Variants in COL1A1 observed in about 807,000 individuals in gnomAD.
COL1A1 encodes the protein collagen alpha-1(I) chain.
Under a neutral mutation model 195.7 loss-of-function variants are expected in COL1A1, and 21 were observed. The ratio of observed to expected loss-of-function variants is 0.11; its 90% CI spans 0.08 to 0.15. COL1A1 has a LOEUF of 0.15. COL1A1 is among the 10% of genes least tolerant of loss of function. COL1A1 has a pLI of 1.00. For missense variants in COL1A1, 1,365 were observed against 2,051.0 expected (o/e 0.67, Z 6.46); for synonymous variants, 749 against 747.3 (o/e 1.00, Z -0.04).
Position 50,194,721 on chromosome 17 carries a change from A to G in COL1A1, c.1461T>C (p.Arg487=). ...GGAGGGGGCGGGCAGGGACACTTAC[A>G]CGCTCGCCAGGGGGTCCGGGCAGGC... ...PTGLPGPPGE[R]GGPGSRGFPG... is the part of the protein sequence containing the mutation. The change falls in exon 21 of 51, where the codon CGT becomes CGC. Residue 487 remains arginine (R), a splice_region_variant and synonymous_variant. Coordinates refer to ENST00000225964, the MANE Select transcript of COL1A1 (RefSeq NM_000088.4). This position sits in a 1 kb window ranked among gnomAD's most constrained non-coding sequence, Gnocchi z 6.8. The G allele has an allele frequency of 6.4e-7, 1 of 1,565,574 alleles. No homozygotes were observed. Among genetic ancestry groups the G allele is most frequent in the Non-Finnish European group, 8.7e-7 (1 of 1,154,590 alleles).
At position 50,189,642 on chromosome 17, in the gene COL1A1, C is replaced by G. The variant is rs1238495943; in HGVS notation, c.2667+37G>C. ...TTCTGGCAGCCCCCACCCAGCACCC[C>G]CAACCTAGAGCAGTGGACTCTGCTG... On this transcript the variant is annotated intron_variant, in intron 38 of 50. Transcript: ENST00000225964. The surrounding 1 kb of genome is among the most constrained non-coding windows in gnomAD (Gnocchi z 5.5). 1 of 1,613,198 alleles carries G rather than the reference C, an allele frequency of 6.2e-7. No homozygotes were observed. Among genetic ancestry groups the G allele is most frequent in the Non-Finnish European group, 8.5e-7 (1 of 1,179,678 alleles).
intron 7 of COL1A1, 21 bp from the exon 8 acceptor site, chr17:50,198,023 T>C: frequency 1.2e-6 from 2 of 1,613,632 alleles, no homozygotes; most frequent in Non-Finnish European, 1.7e-6. Flanking sequence ...AGGAAAAAGA[T>C]GGGTTAGAAG....
At position 50,186,329 on chromosome 17, in the gene COL1A1, G is replaced by C; in HGVS notation, c.3993C>G (p.Thr1331=). Residue 1331 remains threonine (T), a synonymous_variant, in exon 49 of 51, where the codon ACC becomes ACG. Transcript: ENST00000225964. The surrounding 1 kb of genome is among the most constrained non-coding windows in gnomAD (Gnocchi z 5.3). Reference sequence around the variant, plus strand: ...CCAGCTCACGCACCTGGAATCCATCGGTCATGCTCTCGCCGAACCAGACAT... The same window carrying C: ...CCAGCTCACGCACCTGGAATCCATCCGTCATGCTCTCGCCGAACCAGACAT... ...KRHVWFGESM[T]DGFQFEYGGQ... 6.2e-7 allele frequency: 1 copy of C among 1,614,194 alleles called. No individual in the cohort carries two copies. The highest frequency in any genetic ancestry group is 8.5e-7 in the Non-Finnish European group (1 of 1,180,042).
At position 50,187,945 on chromosome 17, in the gene COL1A1, G is replaced by T. The variant is rs1349721736; in HGVS notation, c.3300C>A (p.Gly1100=). Residue 1100 remains glycine, a synonymous_variant, in exon 45 of 51, where the codon GGC becomes GGA. Transcript: ENST00000225964. ...QGPRGDKGET[G]EQGDRGIKGH... ...CCTTTATGCCTCTGTCGCCCTGTTC[G>T]CCTGTCTCACCCTTGTCACCACGGG... The T allele has an allele frequency of 6.2e-7, 1 of 1,613,896 alleles. No individual in the cohort carries two copies. Among genetic ancestry groups the T allele is most frequent in the African/African-American group, 1.3e-5 (1 of 74,916 alleles).
intron 25 of COL1A1, among the ~76,000 whole-genome samples, 195 bp from the exon 26 acceptor site, chr17:50,193,242 G>A (rs1190769795): frequency 6.6e-6 from 1 of 152,102 alleles, no homozygotes; most frequent in Non-Finnish European, 1.5e-5. Flanking sequence ...GCCCTTCCAG[G>A]CTCCTCTGCC....
Position 50,196,226 on chromosome 17 carries a change from A to C in COL1A1, c.958-27T>G, listed in dbSNP as rs375561133. Reference sequence around the variant, plus strand: ...TGCAGGAGAGAGGGGAAGCCCCGTTAAGTCCACTGAGCACTGGCCAGTCCC... The same window carrying C: ...TGCAGGAGAGAGGGGAAGCCCCGTTCAGTCCACTGAGCACTGGCCAGTCCC... On this transcript the variant is annotated intron_variant, in intron 14 of 50. Coordinates refer to ENST00000225964, the MANE Select transcript of COL1A1 (RefSeq NM_000088.4). The C allele has an allele frequency of 1.5e-4, 249 of 1,613,852 alleles. 2 individuals are homozygous for C. The African/African-American group carries it at 2.9e-3, about 18-fold the overall frequency.
intron 45 of COL1A1, 23 bp from the exon 46 acceptor site, chr17:50,187,560 A>G (rs765072297): frequency 1.2e-6 from 2 of 1,613,736 alleles, no homozygotes; most frequent in Non-Finnish European, 8.5e-7. Flanking sequence ...TAAAAAAGGC[A>G]GTTCAGGCCC....
In COL1A1 at chr17:50,195,910, T is replaced by TG. The variant is rs766175536; in HGVS notation, c.1056+12dup. 74 of 1,570,770 alleles carry TG rather than the reference T, an allele frequency of 4.7e-5. No homozygotes were observed. In the African/African-American group the frequency reaches 6.5e-4, roughly 14 times the overall value. On this transcript the variant is annotated intron_variant, in intron 16 of 50. Transcript: ENST00000225964. This position sits in a 1 kb window ranked among gnomAD's most constrained non-coding sequence, Gnocchi z 4.3. ...CATGAGGGTCATGCTTAGAGGAGAG[T>TG]GGGGGGTCTCACCTTAGCACCAACA... is the stretch of plus-strand genomic sequence containing the variant.
Position 50,191,231 on chromosome 17 carries a change from C to A in COL1A1, c.2235+152G>T, listed in dbSNP as rs574149719. Reference sequence around the variant, plus strand: ...GGGCCTGGACCACAGGGAGAGGATTCATCAGCAAAAAGGCCAGAGGGGAAA... The same window carrying A: ...GGGCCTGGACCACAGGGAGAGGATTAATCAGCAAAAAGGCCAGAGGGGAAA... On this transcript the variant is annotated intron_variant, in intron 32 of 50. Coordinates refer to ENST00000225964, the MANE Select transcript of COL1A1 (RefSeq NM_000088.4). 9.0e-5 allele frequency: 70 copies of A among 781,974 alleles called. 2 individuals are homozygous for A. In the South Asian group the frequency reaches 1.1e-3, roughly 12 times the overall value. 48.4% of individuals were successfully genotyped at this position (781,974 alleles called of 1,614,324 possible).
In COL1A1 at chr17:50,189,291, AG is replaced by A; in HGVS notation, c.2830-17del. 6.2e-7 allele frequency: 1 copy of A among 1,613,912 alleles called. No individual in the cohort carries two copies. The highest frequency in any genetic ancestry group is 8.5e-7 in the Non-Finnish European group (1 of 1,179,936). On this transcript the variant is annotated splice_polypyrimidine_tract_variant and intron_variant, in intron 39 of 50. Coordinates refer to ENST00000225964, the MANE Select transcript of COL1A1 (RefSeq NM_000088.4). This position sits in a 1 kb window ranked among gnomAD's most constrained non-coding sequence, Gnocchi z 5.5. ...CAGGAGCACCCTTTGGGAGGCAAAC[AG>A]GGGTGAGGTGCCAGAGAGCAGCACA... is the stretch of plus-strand genomic sequence containing the variant.
chr17:50,197,013 G>C lies in COL1A1; in HGVS notation c.801C>G (p.His267Gln). The change falls in exon 11 of 51, where the codon CAC (histidine) becomes CAG (glutamine). Residue 267 changes from histidine to glutamine, a missense_variant. Physicochemically the swap from His to Gln is conservative, Grantham distance 24. Around this residue, in one of 5 missense-constraint regions of COL1A1, gnomAD observed 226 missense variants for 372.9 expected, o/e 0.61. Coordinates refer to ENST00000225964, the MANE Select transcript of COL1A1 (RefSeq NM_000088.4). ...AAATGACTCAAAGGTGACTCACTCT[G>C]TGTCCCTTCATTCCAGGGAGGCCAG... ...GTAGLPGMKGHRGFSGLDGAK... is the reference protein window; with the variant it reads ...GTAGLPGMKGQRGFSGLDGAK... 1 of 1,614,044 alleles carries C rather than the reference G, an allele frequency of 6.2e-7. No individual in the cohort carries two copies.
chr17:50,192,731 G>A, intron 27 of COL1A1, 38 bp from the exon 28 acceptor site: 1 of 1,614,088 alleles, frequency 6.2e-7, no homozygotes. Flanking sequence ...GGGAGGCCGA[G>A]GAGACGAGGG....
intron 9 of COL1A1, among the ~76,000 whole-genome samples, 199 bp downstream of exon 9, chr17:50,197,530 TGAG>T (rs893365478): frequency 2.0e-5 from 3 of 152,140 alleles, no homozygotes; most frequent in Non-Finnish European, 4.4e-5. Context: ...GTGGCTGGGG[TGAG>T]GAGAACAGTC....
chr17:50,198,618 A>G (rs1907807683), intron 5 of COL1A1, 114 bp from the exon 6 acceptor site: 1 of 824,174 alleles, frequency 1.2e-6, no homozygotes, highest in Admixed American at 2.2e-5. Context: ...GCTGAGAAGA[A>G]TAACATTGCT....
In COL1A1 at chr17:50,194,826, G is replaced by T. The variant is rs1774051084; in HGVS notation, c.1356C>A (p.Gly452=). Residue 452 remains glycine (G), a splice_region_variant and synonymous_variant, in exon 21 of 51, where the codon GGC becomes GGA. Transcript: ENST00000225964. The surrounding 1 kb of genome is among the most constrained non-coding windows in gnomAD (Gnocchi z 6.8). ...KGDTGAKGEP[G]PVGVQGPPGP... ...CAGGGGGTCCTTGAACACCAACAGG[G>T]CCCTGGAGAGGGCCGAGAGGAGGAG... 6.4e-7 allele frequency: 1 copy of T among 1,568,718 alleles called. No individual in the cohort carries two copies. Among genetic ancestry groups the T allele is most frequent in the African/African-American group, 1.4e-5 (1 of 73,690 alleles).
At chr17:50,200,605 G>T (rs895887601) in intron 1 of COL1A1, among the ~76,000 whole-genome samples, 7 of 152,184 alleles carry the variant, frequency 4.6e-5, no homozygotes, top group Non-Finnish European at 8.8e-5. Context: ...GAACCAAAAA[G>T]TCCGCAAATA....
Position 50,195,335 on chromosome 17 carries a change from G to A in COL1A1, c.1201-5C>T. 1 of 1,613,970 alleles carries A rather than the reference G, an allele frequency of 6.2e-7. No individual in the cohort carries two copies. On this transcript the variant is annotated splice_polypyrimidine_tract_variant and splice_region_variant and intron_variant, in intron 18 of 50. Transcript: ENST00000225964. This position sits in a 1 kb window ranked among gnomAD's most constrained non-coding sequence, Gnocchi z 4.3. ...ACCAGCAATACCAGGAGCACCCTGT[G>A]GGAGGCAGACAGCCAGGGCGTGAGC...
intron 25 of COL1A1, chr17:50,193,409 C>A: frequency 2.5e-6 from 1 of 396,614 alleles, no homozygotes; most frequent in Non-Finnish European, 4.6e-6. Context: ...GGGCCACCAA[C>A]AACACTTATT....
In COL1A1 at chr17:50,187,302, T is replaced by C. The variant is rs550861419; in HGVS notation, c.3424-180A>G. Among the ~76,000 whole-genome samples, 28 of 152,264 alleles carry C rather than the reference T, an allele frequency of 1.8e-4. 1 individual carries two copies. Among genetic ancestry groups the C allele is most frequent in the African/African-American group, 5.5e-4 (23 of 41,560 alleles). ...AGCCGCTGAGCCAGGGGAGGACGGA[T>C]TGGGGAGCAGAGAGGCCAAAGCTAG... On this transcript the variant is annotated intron_variant, in intron 46 of 50. Coordinates refer to ENST00000225964, the MANE Select transcript of COL1A1 (RefSeq NM_000088.4).
Sources: allele counts gnomAD v4.1 joint callset (sites outside exome capture counted in the v4.1 genomes callset), GRCh38; gene constraint gnomAD v4.1.1; regional missense constraint gnomAD v4.1.1; non-coding constraint Gnocchi (gnomAD v3.1); transcripts MANE v1.5; gene names NCBI Gene and HGNC (gene_info 2026-07-23, HGNC 2026-07-21).